The following SLC9A6 variants were observed in gnomAD, a reference collection of about 807,000 sequenced individuals.
SLC9A6 encodes solute carrier family 9 member A6, also known as sodium/hydrogen exchanger 6.
In SLC9A6, 6 loss-of-function variants were observed where a neutral mutation model predicts 45.3. That is an observed-to-expected ratio of 0.13 (90% CI 0.07 to 0.26). The LOEUF is 0.26. Among genes scored for constraint, SLC9A6 ranks in the 10% least tolerant of loss-of-function variants. SLC9A6 has a pLI of 1.00. For missense variants in SLC9A6, 278 were observed against 503.7 expected (o/e 0.55, Z 4.29); for synonymous variants, 191 against 187.7 (o/e 1.02, Z -0.14).
At chrX:135,985,857 G>A (rs1556614875) in intron 2 of SLC9A6, 30 bp downstream of exon 2, 2 of 1,205,470 alleles carry the variant, frequency 1.7e-6, no homozygotes, top group East Asian at 3.0e-5. Context: ...TCAGCCCCTT[G>A]GCGCTGCCCC....
upstream of SLC9A6, among the ~76,000 whole-genome samples, chrX:135,980,309 G>C (rs1556613803): frequency 9.1e-6 from 1 of 109,306 alleles, no homozygotes; most frequent in Non-Finnish European, 1.9e-5. Flanking sequence ...GGCCTCCCAG[G>C]TTCAAGTGAT....
At chrX:136,032,329 C>G (rs2071340979) in intron 15 of SLC9A6, among the ~76,000 whole-genome samples, 1 of 112,457 alleles carries the variant, frequency 8.9e-6, no homozygotes, top group African/African-American at 3.2e-5. Flanking sequence ...GCCTTGGCTT[C>G]CCAAAGTGTT....
chrX:136,030,263 G>C (rs936560619), intron 15 of SLC9A6, 101 bp downstream of exon 15: 9 of 834,468 alleles, frequency 1.1e-5, no homozygotes, highest in Non-Finnish European at 1.6e-5. Flanking sequence ...TTTAGATCCT[G>C]TCCTCTTTGC....
At position 135,996,196 on chromosome X, in the gene SLC9A6, T is replaced by A. The variant is rs190927825; in HGVS notation, c.369+1211T>A. Among the ~76,000 whole-genome samples, 522 of 108,240 alleles carry A rather than the reference T, an allele frequency of 4.8e-3. 3 individuals are homozygous for A. Among genetic ancestry groups the A allele is most frequent in the African/African-American group, 0.015 (458 of 29,614 alleles). The allele number at this position is 108,240 out of a possible 115,157, so 94.0% of individuals were successfully genotyped here. On this transcript the variant is annotated intron_variant, in intron 3 of 17. Transcript: ENST00000630721. ...ACAGGCACGTGCCACCATACCCGGC[T>A]AATTTTTGTATTTTTAGTAGAGTTG...
intron 5 of SLC9A6, 96 bp downstream of exon 5, chrX:135,998,654 G>A (rs2089539435): frequency 2.8e-6 from 2 of 726,794 alleles, no homozygotes; most frequent in Non-Finnish European, 2.1e-6. Context: ...TTCCTGACTG[G>A]GTCTAAAGAC....
chrX:135,996,843 T>C (rs1396672742), intron 3 of SLC9A6, among the ~76,000 whole-genome samples: 1 of 108,145 alleles, frequency 9.2e-6, no homozygotes. Flanking sequence ...CTCGGCTCAT[T>C]GCAAGCTCTG....
intron 15 of SLC9A6, 134 bp from the exon 16 acceptor site, chrX:136,033,280 A>G: frequency 2.5e-6 from 1 of 406,585 alleles, no homozygotes. Flanking sequence ...CAAACTATTA[A>G]ATTTCTAATG....
chrX:136,016,537 G>A (rs1235096678), intron 10 of SLC9A6, 108 bp from the exon 11 acceptor site: 1 of 500,791 alleles, frequency 2.0e-6, no homozygotes, highest in African/African-American at 2.3e-5. Flanking sequence ...TTGTGTGTAT[G>A]CATGAAGTTT....
intron 1 of SLC9A6, chrX:135,974,849 C>G (rs2089253028): frequency 3.6e-6 from 1 of 277,200 alleles, no homozygotes; most frequent in Non-Finnish European, 7.1e-6. Context: ...GTGAAAAGAA[C>G]CAGCTTACAT....
At chrX:136,023,163 G>GTATA (rs35106450) in intron 12 of SLC9A6, among the ~76,000 whole-genome samples, 19 of 25,000 alleles carry the variant, frequency 7.6e-4, no homozygotes, top group Non-Finnish European at 8.7e-4. Flanking sequence ...AAAAGAAAAT[G>GTATA]TATATATATA....
chrX:136,041,782 C>G lies in SLC9A6; in HGVS notation c.1767+1601C>G, dbSNP rs2071515800. The stretch of plus-strand genomic sequence containing the variant: ...AATGGCTTAAACAATAGAAACTTAT[C>G]ATCTCTTATTTCTGGAGGCTAAAAT... On this transcript the variant is annotated intron_variant, in intron 17 of 17. Coordinates refer to ENST00000630721, the MANE Select transcript of SLC9A6 (RefSeq NM_001379110.1). Among the ~76,000 whole-genome samples the G allele has an allele frequency of 2.7e-5, 3 of 112,221 alleles. No individual in the cohort carries two copies. In the South Asian group the frequency reaches 1.1e-3, roughly 42 times the overall value.
chrX:136,027,869 A>G lies in SLC9A6; in HGVS notation c.1461-1017A>G, dbSNP rs925509723. Reference sequence around the variant, plus strand: ...TAGTTGTCATGTGAACGGTGGATCCACAGTAAATTTGAAACAGCCAGCTAT... The same window carrying G: ...TAGTTGTCATGTGAACGGTGGATCCGCAGTAAATTTGAAACAGCCAGCTAT... On this transcript the variant is annotated intron_variant, in intron 13 of 17. Transcript: ENST00000630721. Among the ~76,000 whole-genome samples the G allele has an allele frequency of 7.1e-5, 8 of 112,714 alleles. No homozygotes were observed. The South Asian group carries it at 1.1e-3, about 15-fold the overall frequency.
At chrX:136,030,222 A>G in intron 15 of SLC9A6, 60 bp downstream of exon 15, 1 of 1,058,911 alleles carries the variant, frequency 9.4e-7, no homozygotes, top group Non-Finnish European at 1.3e-6. Context: ...ATTTGGAAAG[A>G]AAACAATCTA....
intron 15 of SLC9A6, among the ~76,000 whole-genome samples, chrX:136,031,462 G>A (rs1193279713): frequency 8.9e-6 from 1 of 112,251 alleles, no homozygotes; most frequent in Non-Finnish European, 1.9e-5. Context: ...CATATTGGGA[G>A]GCCAAAGCGG....
upstream of SLC9A6, among the ~76,000 whole-genome samples, chrX:135,984,955 T>C (rs1426706924): frequency 1.8e-5 from 2 of 110,860 alleles, no homozygotes; most frequent in African/African-American, 6.6e-5. Context: ...GATTGTTTTA[T>C]GAACTGCTAC....
intron 11 of SLC9A6, among the ~76,000 whole-genome samples, chrX:136,017,853 TG>T (rs2071050223): frequency 9.0e-6 from 1 of 111,653 alleles, no homozygotes; most frequent in Non-Finnish European, 1.9e-5. Context: ...AGGTCGCAGT[TG>T]TGCTCTTGGC....
intron 7 of SLC9A6, among the ~76,000 whole-genome samples, chrX:136,004,660 A>G (rs1316199148): frequency 8.9e-6 from 1 of 112,132 alleles, no homozygotes; most frequent in East Asian, 2.8e-4. Flanking sequence ...GATATACAAA[A>G]GGCCATATCC....
chrX:136,014,484 G>C (rs1449570636), intron 10 of SLC9A6, among the ~76,000 whole-genome samples: 1 of 112,902 alleles, frequency 8.9e-6, no homozygotes, highest in Non-Finnish European at 1.9e-5. Context: ...ACAAGAACAG[G>C]CCGGGCGCTG....
intron 8 of SLC9A6, among the ~76,000 whole-genome samples, chrX:136,012,322 C>T (rs1006350720): frequency 2.0e-4 from 23 of 112,257 alleles, no homozygotes; most frequent in Middle Eastern, 4.6e-3. Flanking sequence ...TTACAAGTTC[C>T]TTGAGGGTAG....
Sources: allele counts gnomAD v4.1 joint callset (sites outside exome capture counted in the v4.1 genomes callset), GRCh38; gene constraint gnomAD v4.1.1; transcripts MANE v1.5; gene names NCBI Gene and HGNC (gene_info 2026-07-23, HGNC 2026-07-21).